SLC39A11: variants seen among roughly 807,000 people sequenced by gnomAD.
The protein encoded by SLC39A11 is solute carrier family 39 member 11.
In SLC39A11, 33 loss-of-function variants were observed where a neutral mutation model predicts 36.1. That is an observed-to-expected ratio of 0.91 (90% CI 0.69 to 1.22). SLC39A11 has a LOEUF of 1.22. Among genes scored for constraint, SLC39A11 ranks in the 50% most tolerant of loss-of-function variants. SLC39A11 has a pLI of 0.00. For missense variants in SLC39A11, 432 were observed against 430.3 expected (o/e 1.00, Z -0.03); for synonymous variants, 166 against 170.3 (o/e 0.97, Z 0.20).
At chr17:72,694,982 C>T (rs2072221685) in intron 7 of SLC39A11, among the ~76,000 whole-genome samples, 1 of 138,590 alleles carries the variant, frequency 7.2e-6, no homozygotes, top group Non-Finnish European at 1.7e-5. Context: ...GAGCATAGAC[C>T]TTCCCTTGAC....
At chr17:73,048,707 G>A (rs961884870) in intron 3 of SLC39A11, among the ~76,000 whole-genome samples, 1 of 152,164 alleles carries the variant, frequency 6.6e-6, no homozygotes, top group Admixed American at 6.5e-5. Context: ...TAGGGTGGTG[G>A]TAAGGATTAA....
At chr17:72,751,682 A>T (rs1357878954) in intron 6 of SLC39A11, among the ~76,000 whole-genome samples, 1 of 151,936 alleles carries the variant, frequency 6.6e-6, no homozygotes, top group Non-Finnish European at 1.5e-5. Context: ...GATTCAAGTG[A>T]TTCTTGTACC....
intron 6 of SLC39A11, among the ~76,000 whole-genome samples, chr17:72,757,004 A>C (rs1246945140): frequency 1.3e-5 from 2 of 149,534 alleles, no homozygotes; most frequent in African/African-American, 4.9e-5. Flanking sequence ...AAAAAAAAAA[A>C]CCAACACAAA....
At chr17:72,737,873 C>CCA in intron 6 of SLC39A11, among the ~76,000 whole-genome samples, 1 of 152,140 alleles carries the variant, frequency 6.6e-6, no homozygotes, top group African/African-American at 2.4e-5. Flanking sequence ...CTCTCTGGGG[C>CCA]TGGGAAAGAG....
At position 72,995,055 on chromosome 17, in the gene SLC39A11, A is replaced by G. The variant is rs529104824; in HGVS notation, c.306+36501T>C. ...TCTTCTTCAACCTGGACAGAGAGTT[A>G]GATTATATATGATACAGCCCTGCCT... On this transcript the variant is annotated intron_variant, in intron 4 of 9. Coordinates refer to ENST00000255559, the MANE Select transcript of SLC39A11 (RefSeq NM_139177.4). Among the ~76,000 whole-genome samples the G allele has an allele frequency of 1.9e-4, 29 of 152,276 alleles. 1 individual carries two copies. The South Asian group carries it at 5.4e-3, about 28-fold the overall frequency.
chr17:72,906,530 C>A (rs1347389808), intron 5 of SLC39A11, among the ~76,000 whole-genome samples: 1 of 152,216 alleles, frequency 6.6e-6, no homozygotes, highest in Non-Finnish European at 1.5e-5. Flanking sequence ...ACTCCTGACC[C>A]AGCACCTGGA....
intron 4 of SLC39A11, among the ~76,000 whole-genome samples, chr17:72,966,756 A>G (rs2087013314): frequency 6.6e-6 from 1 of 152,102 alleles, no homozygotes; most frequent in Non-Finnish European, 1.5e-5. Flanking sequence ...TTTTTAGTAG[A>G]GAGGGGGTTT....
intron 6 of SLC39A11, among the ~76,000 whole-genome samples, chr17:72,794,848 C>CA (rs142515216): frequency 0.018 from 2,792 of 152,152 alleles, 104 homozygotes; most frequent in African/African-American, 0.061. Context: ...AAACAACACA[C>CA]ATTGACTATC....
intron 6 of SLC39A11, among the ~76,000 whole-genome samples, chr17:72,806,223 C>T (rs553412813): frequency 7.1e-4 from 108 of 152,264 alleles, no homozygotes; most frequent in African/African-American, 2.5e-3. Context: ...CGTTACTTTT[C>T]CTAGCCAATC....
chr17:72,838,426 C>T (rs1043033502), intron 6 of SLC39A11, among the ~76,000 whole-genome samples: 3 of 151,848 alleles, frequency 2.0e-5, no homozygotes, highest in Admixed American at 6.6e-5. Context: ...ATGGGGGTCT[C>T]GTCATGTTGC....
chr17:72,651,329 C>T (rs181192232), intron 7 of SLC39A11, among the ~76,000 whole-genome samples: 2,622 of 150,700 alleles, frequency 0.017, 84 homozygotes, highest in African/African-American at 0.061. Flanking sequence ...CAAGCCCACC[C>T]CCCTCCCAGG....
chr17:72,932,836 T>C (rs913394684), intron 5 of SLC39A11, among the ~76,000 whole-genome samples: 18 of 152,128 alleles, frequency 1.2e-4, no homozygotes, highest in African/African-American at 4.1e-4. Context: ...AGGAGTCGAG[T>C]CAGAATTCAA....
chr17:72,769,550 T>C (rs994672176), intron 6 of SLC39A11, among the ~76,000 whole-genome samples: 5 of 152,036 alleles, frequency 3.3e-5, no homozygotes, highest in East Asian at 1.9e-4. Flanking sequence ...CTTTTTTTTT[T>C]TTCTTCTTTT....
Position 72,849,678 on chromosome 17 carries a change from C to T in SLC39A11, c.557G>A (p.Arg186Lys), listed in dbSNP as rs970953677. Residue 186 changes from arginine to lysine, a missense_variant, in exon 6 of 10, where the codon AGG becomes AAG. Arg to Lys is a conservative substitution (Grantham distance 26). Transcript: ENST00000255559. The part of the protein sequence containing the change: ...LAQPGGSSWR[R>K]IALLILAITI... The stretch of plus-strand genomic sequence containing the variant: ...GATGGCCAAGATGAGCAGTGCGATC[C>T]TCCTCCAGCTGCTGCCGCCGGGCTG... 8.7e-6 allele frequency: 14 copies of T among 1,606,150 alleles called. No homozygotes were observed. The highest frequency in any genetic ancestry group is 1.2e-5 in the Non-Finnish European group (14 of 1,176,886).
chr17:73,066,335 CAGA>C lies in SLC39A11; in HGVS notation c.147+18470_147+18472del, dbSNP rs761041372. Among the ~76,000 whole-genome samples, 261 of 152,272 alleles carry C rather than the reference CAGA, an allele frequency of 1.7e-3. 1 individual carries two copies. The highest frequency in any genetic ancestry group is 2.3e-3 in the Non-Finnish European group (158 of 68,026). ...CATGAGTGACCCCAGGCAAGACCAGCAGAAGAAGCACCCAGCTGAGCCCAGCAA... is the reference window on the plus strand; with the variant it reads ...CATGAGTGACCCCAGGCAAGACCAGCAGAAGCACCCAGCTGAGCCCAGCAA... On this transcript the variant is annotated intron_variant, in intron 3 of 9. Transcript: ENST00000255559.
intron 7 of SLC39A11, among the ~76,000 whole-genome samples, chr17:72,698,853 G>T (rs185135975): frequency 1.3e-5 from 2 of 151,984 alleles, no homozygotes; most frequent in East Asian, 1.9e-4. Context: ...TGTTTTGAGA[G>T]GGAGTCTCGC....
Position 72,764,125 on chromosome 17 carries a change from A to C in SLC39A11, c.602-27406T>G, listed in dbSNP as rs375676396. 3.5e-4 allele frequency among the ~76,000 whole-genome samples: 54 copies of C among 152,242 alleles called. 3 individuals carry two copies. The East Asian group carries it at 3.9e-3, about 11-fold the overall frequency. Reference sequence around the variant, plus strand: ...TCCAGTGGGAAGGCCCAGGGTCACTAACCACAGGCCTCTTTCATGCAACTC... The same window carrying C: ...TCCAGTGGGAAGGCCCAGGGTCACTCACCACAGGCCTCTTTCATGCAACTC... On this transcript the variant is annotated intron_variant, in intron 6 of 9. Transcript: ENST00000255559.
intron 3 of SLC39A11, among the ~76,000 whole-genome samples, chr17:73,060,065 C>T (rs1056954765): frequency 5.3e-5 from 8 of 151,694 alleles, no homozygotes; most frequent in African/African-American, 1.9e-4. Context: ...AAAAATCGGC[C>T]AAGCATGGTG....
At chr17:72,665,409 T>TTTTTTTTTTTTTC (rs1268705672) in intron 7 of SLC39A11, among the ~76,000 whole-genome samples, 1 of 146,274 alleles carries the variant, frequency 6.8e-6, no homozygotes, top group Non-Finnish European at 1.5e-5. Context: ...TTTTTTTTTT[T>TTTTTTTTTTTTTC]TGAGACAGGG....
Sources: allele counts gnomAD v4.1 joint callset (sites outside exome capture counted in the v4.1 genomes callset), GRCh38; gene constraint gnomAD v4.1.1; transcripts MANE v1.5; gene names NCBI Gene and HGNC (gene_info 2026-07-23, HGNC 2026-07-21).